The following MFHAS1 variants were observed in gnomAD, a reference collection of about 807,000 sequenced individuals.
The protein encoded by MFHAS1 is malignant fibrous histiocytoma-amplified sequence 1.
In MFHAS1, 50 loss-of-function variants were observed where a neutral mutation model predicts 70.4. The ratio of observed to expected loss-of-function variants is 0.71; its 90% CI spans 0.57 to 0.90. The LOEUF is 0.90. MFHAS1 is among the 40% of genes least tolerant of loss of function. MFHAS1 has a pLI of 0.00. For synonymous variants in MFHAS1, 952 were observed against 620.0 expected (o/e 1.54, Z -7.96); for missense variants, 1,795 against 1,347.6 (o/e 1.33, Z -5.20).
chr8:8,848,348 G>T (rs941756164), intron 1 of MFHAS1, among the ~76,000 whole-genome samples: 1 of 150,922 alleles, frequency 6.6e-6, no homozygotes, highest in Non-Finnish European at 1.5e-5. Flanking sequence ...TTTGGAGGGA[G>T]TGCCTCTACT....
intron 1 of MFHAS1, among the ~76,000 whole-genome samples, chr8:8,804,399 TAAACAAAAAACAAAC>T (rs1231021739): frequency 8.5e-5 from 13 of 152,174 alleles, no homozygotes; most frequent in African/African-American, 3.1e-4. Flanking sequence ...TAAAATAAAA[TAAACAAAAAACAAAC>T]AAACAAAAAA....
intron 1 of MFHAS1, among the ~76,000 whole-genome samples, chr8:8,830,384 GTATTGTTTTTGTTCAGC>G (rs1384302149): frequency 1.3e-5 from 2 of 152,166 alleles, no homozygotes; most frequent in African/African-American, 4.8e-5. Flanking sequence ...TTGGCTTTCA[GTATTGTTTTTGTTCAGC>G]TATTTTAAAA....
Position 8,891,027 on chromosome 8 carries a change from G to C in MFHAS1, c.2032C>G (p.Arg678Gly), listed in dbSNP as rs372672966. ...GAGTCCCACCAGCTTAGCCACAGTC[G>C]CTGGGCCTGAGGTGGCTGGAAATGC... ...ELHFQPPQAQ[R>G]LWLSWWDSAR... The change falls in exon 1 of 3, where the codon CGA (arginine) becomes GGA (glycine). Residue 678 changes from arginine (R) to glycine (G), a missense_variant. Coordinates refer to ENST00000276282, the MANE Select transcript of MFHAS1 (RefSeq NM_004225.3). The surrounding 1 kb of genome is among the most constrained non-coding windows in gnomAD (Gnocchi z 5.4). 6.2e-7 allele frequency: 1 copy of C among 1,613,642 alleles called. No individual in the cohort carries two copies. Among genetic ancestry groups the C allele is most frequent in the Non-Finnish European group, 8.5e-7 (1 of 1,179,886 alleles).
intron 1 of MFHAS1, among the ~76,000 whole-genome samples, chr8:8,853,595 C>G (rs1055551190): frequency 2.6e-5 from 4 of 151,884 alleles, no homozygotes; most frequent in Middle Eastern, 3.2e-3. Flanking sequence ...GAGATGGAGT[C>G]TTGTTCTGTC....
chr8:8,813,824 G>A (rs1255412315), intron 1 of MFHAS1, among the ~76,000 whole-genome samples: 1 of 152,122 alleles, frequency 6.6e-6, no homozygotes, highest in Non-Finnish European at 1.5e-5. Flanking sequence ...GTCTACAGCA[G>A]CAGTAACGTC....
At chr8:8,797,591 G>C in intron 1 of MFHAS1, 100 bp from the exon 2 acceptor site, 2 of 1,317,722 alleles carry the variant, frequency 1.5e-6, no homozygotes, top group Non-Finnish European at 2.1e-6. Flanking sequence ...AGGGGGAGAA[G>C]GGCAGAGGTG....
chr8:8,872,979 T>A (rs1462805734), intron 1 of MFHAS1, among the ~76,000 whole-genome samples: 1 of 152,048 alleles, frequency 6.6e-6, no homozygotes, highest in Non-Finnish European at 1.5e-5. Context: ...GTGCCACTCG[T>A]GAGCCATCTG....
chr8:8,852,737 TC>T (rs1346604496), intron 1 of MFHAS1, among the ~76,000 whole-genome samples: 1 of 152,134 alleles, frequency 6.6e-6, no homozygotes, highest in African/African-American at 2.4e-5. Context: ...ATTTTTGCCT[TC>T]CCTAATAGGG....
At chr8:8,860,969 G>A (rs1181858159) in intron 1 of MFHAS1, among the ~76,000 whole-genome samples, 1 of 152,080 alleles carries the variant, frequency 6.6e-6, no homozygotes, top group Non-Finnish European at 1.5e-5. Context: ...CACTGCAATG[G>A]ACATGACAAG....
chr8:8,797,935 T>A (rs1042229053), intron 1 of MFHAS1, among the ~76,000 whole-genome samples: 1 of 152,138 alleles, frequency 6.6e-6, no homozygotes, highest in East Asian at 1.9e-4. Flanking sequence ...CAAAGCCCTA[T>A]ATAAATGATC....
intron 1 of MFHAS1, among the ~76,000 whole-genome samples, chr8:8,866,528 G>C (rs1370549192): frequency 6.6e-6 from 1 of 151,984 alleles, no homozygotes; most frequent in African/African-American, 2.4e-5. Flanking sequence ...ATGTTGCCCA[G>C]GCTGGTCTTC....
At chr8:8,786,493 G>T (rs1805547613) in intron 2 of MFHAS1, among the ~76,000 whole-genome samples, 1 of 152,172 alleles carries the variant, frequency 6.6e-6, no homozygotes, top group Non-Finnish European at 1.5e-5. Context: ...ATGTCTGTCT[G>T]CCTAAAATGC....
At chr8:8,863,034 G>A (rs1382583756) in intron 1 of MFHAS1, among the ~76,000 whole-genome samples, 5 of 152,170 alleles carry the variant, frequency 3.3e-5, no homozygotes, top group Non-Finnish European at 7.3e-5. Flanking sequence ...TATAGTACAA[G>A]GAATGACTCA....
chr8:8,852,128 C>T (rs569245074), intron 1 of MFHAS1, among the ~76,000 whole-genome samples: 1 of 152,238 alleles, frequency 6.6e-6, no homozygotes, highest in South Asian at 2.1e-4. Context: ...CTCCAGAGAG[C>T]TGAGGTTTCA....
In MFHAS1 at chr8:8,821,553, C is replaced by T. The variant is rs551734675; in HGVS notation, c.2999-24062G>A. Among the ~76,000 whole-genome samples, 4 of 152,242 alleles carry T rather than the reference C, an allele frequency of 2.6e-5. No homozygotes were observed. The South Asian group carries it at 8.3e-4, about 32-fold the overall frequency. ...TGATTAATCACACTTTGATTTATGCCAGAACTTCACATTTTCTTAAAAGGT... is the reference window on the plus strand; with the variant it reads ...TGATTAATCACACTTTGATTTATGCTAGAACTTCACATTTTCTTAAAAGGT... On this transcript the variant is annotated intron_variant, in intron 1 of 2. Coordinates refer to ENST00000276282, the MANE Select transcript of MFHAS1 (RefSeq NM_004225.3).
intron 1 of MFHAS1, among the ~76,000 whole-genome samples, chr8:8,831,258 G>C (rs1807376668): frequency 6.6e-6 from 1 of 151,976 alleles, no homozygotes; most frequent in African/African-American, 2.4e-5. Context: ...AATATACATT[G>C]GGGGTTGGGG....
intron 1 of MFHAS1, among the ~76,000 whole-genome samples, chr8:8,865,148 G>A (rs1173717991): frequency 6.6e-6 from 1 of 151,780 alleles, no homozygotes; most frequent in Non-Finnish European, 1.5e-5. Flanking sequence ...ACGGTGGCAT[G>A]CACCTGTAAT....
At chr8:8,881,651 T>A (rs1334687415) in intron 1 of MFHAS1, among the ~76,000 whole-genome samples, 1 of 152,074 alleles carries the variant, frequency 6.6e-6, no homozygotes, top group African/African-American at 2.4e-5. Context: ...CTGGCCACCA[T>A]GGTGAAACGC....
intron 1 of MFHAS1, among the ~76,000 whole-genome samples, chr8:8,803,649 T>A (rs982404495): frequency 1.3e-5 from 2 of 151,954 alleles, no homozygotes; most frequent in African/African-American, 4.8e-5. Context: ...ATTGTATTAG[T>A]TATTATAGGT....
Sources: allele counts gnomAD v4.1 joint callset (sites outside exome capture counted in the v4.1 genomes callset), GRCh38; gene constraint gnomAD v4.1.1; non-coding constraint Gnocchi (gnomAD v3.1); transcripts MANE v1.5; gene names NCBI Gene and HGNC (gene_info 2026-07-23, HGNC 2026-07-21).